LIMK1: variants seen among roughly 807,000 people sequenced by gnomAD.
LIMK1 encodes the protein LIM domain kinase 1.
Under a neutral mutation model 77.6 loss-of-function variants are expected in LIMK1, and 21 were observed. The ratio of observed to expected loss-of-function variants is 0.27; its 90% CI spans 0.19 to 0.39. The LOEUF is 0.39. Ranked by LOEUF, LIMK1 falls within the 10% of genes least tolerant of loss-of-function variation. The probability of loss-of-function intolerance (pLI) is 1.00; values close to 1 mark genes in which losing one functional copy is unlikely to be tolerated. For synonymous variants in LIMK1, 358 were observed against 370.0 expected, an observed-to-expected ratio of 0.97 and a Z score of 0.37; for missense variants, 696 against 901.6, an observed-to-expected ratio of 0.77 and a Z score of 2.92.
At chr7:74,095,123 C>T (rs1156687554) in intron 2 of LIMK1, among the ~76,000 whole-genome samples, 1 of 152,150 alleles carries the variant, frequency 6.6e-6, no homozygotes, top group African/African-American at 2.4e-5. Context: ...CCATGCAGGC[C>T]CCAGGCTGTG....
intron 5 of LIMK1, among the ~76,000 whole-genome samples, chr7:74,102,571 C>T (rs1447128723): frequency 7.0e-6 from 1 of 143,410 alleles, no homozygotes; most frequent in Non-Finnish European, 1.5e-5. Context: ...GCAGCCTCAA[C>T]CTCCCAGGCT....
intron 12 of LIMK1, 165 bp from the exon 13 acceptor site, chr7:74,115,637 C>T (rs1554699320): frequency 4.6e-6 from 3 of 650,108 alleles, no homozygotes; most frequent in South Asian, 2.0e-5. Context: ...TTGCAAAGAG[C>T]GGATGGGTTT....
intron 5 of LIMK1, among the ~76,000 whole-genome samples, chr7:74,102,613 A>G (rs369826824): frequency 6.7e-6 from 1 of 149,450 alleles, no homozygotes; most frequent in Non-Finnish European, 1.5e-5. Context: ...CCTCCCAAGT[A>G]GCTGGGACTA....
intron 13 of LIMK1, among the ~76,000 whole-genome samples, chr7:74,119,705 C>G (rs973085724): frequency 1.3e-5 from 2 of 151,422 alleles, no homozygotes; most frequent in Non-Finnish European, 2.9e-5. Flanking sequence ...GTCAGGAGTT[C>G]GAGACCAGCC....
At chr7:74,089,019 G>A (rs1799189386) in intron 2 of LIMK1, among the ~76,000 whole-genome samples, 1 of 152,154 alleles carries the variant, frequency 6.6e-6, no homozygotes, top group African/African-American at 2.4e-5. Context: ...AGTTTTTGGT[G>A]AGTATTTGTC....
chr7:74,106,132 AC>A lies in LIMK1; in HGVS notation c.773del (p.Pro258LeufsTer16). ...CTGCTCCAGCTGACCCTCGAGCATG[AC>A]CCTCACGATACACTGGGCCACGGGC... The part of the protein sequence containing the change: ...SRLLQLTLEH[D>X]PHDTLGHGLG... On this transcript the variant is annotated frameshift_variant, in exon 7 of 16. Coordinates refer to ENST00000336180, the MANE Select transcript of LIMK1 (RefSeq NM_002314.4). LOFTEE classifies it high-confidence loss of function. 1 of 1,613,944 alleles carries A rather than the reference AC, an allele frequency of 6.2e-7. No homozygotes were observed. The highest frequency in any genetic ancestry group is 8.5e-7 in the Non-Finnish European group (1 of 1,180,008).
At chr7:74,086,887 G>A (rs138596880) in intron 2 of LIMK1, among the ~76,000 whole-genome samples, 25 of 152,164 alleles carry the variant, frequency 1.6e-4, no homozygotes, top group African/African-American at 5.8e-4. Flanking sequence ...GGCTGCTTGC[G>A]AACATGCATA....
rs782257035 is a variant in LIMK1, at chr7:74,099,169, T to C, written c.539T>C (p.Val180Ala). The change falls in exon 5 of 16, where the codon GTC (valine) becomes GCC (alanine). Residue 180 changes from valine (V) to alanine (A), a missense_variant. Around this residue, in one of 3 missense-constraint regions of LIMK1, gnomAD observed 252 missense variants for 279.4 expected, o/e 0.90. Coordinates refer to ENST00000336180, the MANE Select transcript of LIMK1 (RefSeq NM_002314.4). The stretch of plus-strand genomic sequence containing the variant: ...TCTCATGGCAAGCGTGGACTTTCAG[T>C]CTCCATTGACCCCCCGCACGGCCCA... The part of the protein sequence containing the change: ...ASSHGKRGLS[V>A]SIDPPHGPPG... 1.2e-6 allele frequency: 2 copies of C among 1,613,094 alleles called. No homozygotes were observed. Among genetic ancestry groups the C allele is most frequent in the South Asian group, 2.2e-5 (2 of 91,078 alleles).
At position 74,085,766 on chromosome 7, in the gene LIMK1, G is replaced by A. The variant is rs1480661844; in HGVS notation, c.74G>A (p.Cys25Tyr). 2 of 1,560,492 alleles carry A rather than the reference G, an allele frequency of 1.3e-6. No homozygotes were observed. Among genetic ancestry groups the A allele is most frequent in the Non-Finnish European group, 1.7e-6 (2 of 1,151,762 alleles). The stretch of plus-strand genomic sequence containing the variant: ...CCTGCAGGAAGCGAGTTGCCCGTGT[G>A]TGCAAGCTGCGGCCAGAGGATCTAT... ...MGEEGSELPVCASCGQRIYDG... is the reference protein window; with the variant it reads ...MGEEGSELPVYASCGQRIYDG... Residue 25 changes from cysteine (C) to tyrosine (Y), a missense_variant, in exon 2 of 16, where the codon TGT becomes TAT. Around this residue, in one of 3 missense-constraint regions of LIMK1, gnomAD observed 252 missense variants for 279.4 expected, o/e 0.90. Transcript: ENST00000336180.
chr7:74,087,566 T>A (rs1554694224), intron 2 of LIMK1, among the ~76,000 whole-genome samples: 3 of 152,082 alleles, frequency 2.0e-5, no homozygotes, highest in Non-Finnish European at 4.4e-5. Context: ...AGGACTTTAT[T>A]TTAGGCTTCT....
At chr7:74,094,558 G>A (rs782426978) in intron 2 of LIMK1, among the ~76,000 whole-genome samples, 22 of 152,210 alleles carry the variant, frequency 1.4e-4, no homozygotes, top group Non-Finnish European at 2.4e-4. Flanking sequence ...TGTGATCGGT[G>A]TAAGGGCAGG....
intron 5 of LIMK1, among the ~76,000 whole-genome samples, chr7:74,103,287 C>T (rs1185297734): frequency 1.4e-5 from 2 of 145,556 alleles, no homozygotes; most frequent in African/African-American, 5.1e-5. Context: ...GACAGGGTCT[C>T]ACTGTGTTGC....
At chr7:74,087,636 C>T (rs11973345) in intron 2 of LIMK1, among the ~76,000 whole-genome samples, 3 of 152,262 alleles carry the variant, frequency 2.0e-5, no homozygotes, top group Admixed American at 6.5e-5. Context: ...GTCGCCCAGG[C>T]TGGGGAGCAG....
Position 74,106,222 on chromosome 7 carries a change from C to A in LIMK1, c.860C>A (p.Ser287Tyr). Residue 287 changes from serine to tyrosine, a missense_variant, in exon 7 of 16, where the codon TCT (serine) becomes TAT (tyrosine). This residue lies in a region of LIMK1 where 438 missense variants were observed against 602.3 expected (regional missense o/e 0.73). Transcript: ENST00000336180. ...ACTCCCAGCGGGGAGGCGGGCAGCTCTGCCCGGCAGAAACCTGTCTTGTAA... is the reference window on the plus strand; with the variant it reads ...ACTCCCAGCGGGGAGGCGGGCAGCTATGCCCGGCAGAAACCTGTCTTGTAA... ...AYTPSGEAGS[S>Y]ARQKPVLRSC... The A allele has an allele frequency of 6.2e-7, 1 of 1,612,718 alleles. No homozygotes were observed. Among genetic ancestry groups the A allele is most frequent in the South Asian group, 1.1e-5 (1 of 91,020 alleles).
intron 1 of LIMK1, among the ~76,000 whole-genome samples, chr7:74,084,743 G>A (rs1799100247): frequency 6.6e-6 from 1 of 152,050 alleles, no homozygotes; most frequent in African/African-American, 2.4e-5. Context: ...GCGCAGTACT[G>A]CACTGCAGTT....
At chr7:74,099,609 A>G (rs1338572657) in intron 5 of LIMK1, among the ~76,000 whole-genome samples, 1 of 152,070 alleles carries the variant, frequency 6.6e-6, no homozygotes, top group East Asian at 1.9e-4. Flanking sequence ...GTGTGCCTAT[A>G]GTGCCAGCTG....
In LIMK1 at chr7:74,107,165, G is replaced by A; in HGVS notation, c.1037G>A (p.Gly346Asp). 6.2e-7 allele frequency: 1 copy of A among 1,612,390 alleles called. No homozygotes were observed. The highest frequency in any genetic ancestry group is 1.3e-5 in the African/African-American group (1 of 75,076). Residue 346 changes from glycine (G) to aspartate (D), a missense_variant, in exon 8 of 16, where the codon GGC becomes GAC. This residue lies in a region of LIMK1 where 438 missense variants were observed against 602.3 expected (regional missense o/e 0.73). Coordinates refer to ENST00000336180, the MANE Select transcript of LIMK1 (RefSeq NM_002314.4). ...PSDLIHGEVL[G>D]KGCFGQAIKV... Reference sequence around the variant, plus strand: ...GACCTCATCCACGGGGAGGTGCTGGGCAAGGGCTGCTTCGGCCAGGCTATC... The same window carrying A: ...GACCTCATCCACGGGGAGGTGCTGGACAAGGGCTGCTTCGGCCAGGCTATC...
Position 74,084,003 on chromosome 7 carries a change from C to A in LIMK1, c.13C>A (p.Leu5Ile), listed in dbSNP as rs1343725917. 4 of 1,470,542 alleles carry A rather than the reference C, an allele frequency of 2.7e-6. No homozygotes were observed. In the South Asian group the frequency reaches 5.3e-5, roughly 19 times the overall value. The allele number at this position is 1,470,542 out of a possible 1,614,324, so 91.1% of individuals were successfully genotyped here. A position where few individuals can be genotyped will look rare whatever the true frequency, so the allele number is the denominator to read the frequency against. MRLT[L>I]LCCTWREERM... is the part of the protein sequence containing the mutation. ...CCCCGTCGAGTGCATGAGGTTGACG[C>A]TACTTTGTTGCACCTGGAGGGAAGA... The change falls in exon 1 of 16, where the codon CTA (leucine) becomes ATA (isoleucine). Residue 5 changes from leucine to isoleucine, a missense_variant. Coordinates refer to ENST00000336180, the MANE Select transcript of LIMK1 (RefSeq NM_002314.4).
intron 2 of LIMK1, 26 bp from the exon 3 acceptor site, chr7:74,096,596 G>A (rs367604528): frequency 8.8e-5 from 142 of 1,613,542 alleles, no homozygotes; most frequent in Middle Eastern, 3.3e-4. Context: ...GGGAGTGGAC[G>A]TCTCAGCCCG....
Sources: allele counts gnomAD v4.1 joint callset (sites outside exome capture counted in the v4.1 genomes callset), GRCh38; gene constraint gnomAD v4.1.1; regional missense constraint gnomAD v4.1.1; transcripts MANE v1.5; gene names NCBI Gene and HGNC (gene_info 2026-07-23, HGNC 2026-07-21).